MED17: variants seen among roughly 807,000 people sequenced by gnomAD.
The protein encoded by MED17 is mediator of RNA polymerase II transcription subunit 17.
MED17 carries 49 observed loss-of-function variants against 80.8 expected under a neutral mutation model. The observed-to-expected ratio is 0.61, with a 90% CI of 0.48 to 0.77. The LOEUF (loss-of-function observed/expected upper bound fraction) is 0.77. Ranked by LOEUF, MED17 falls within the 30% of genes least tolerant of loss-of-function variation. MED17 has a pLI of 0.00. For synonymous variants in MED17, 281 were observed against 280.4 expected, an observed-to-expected ratio of 1.00 and a Z score of -0.02; for missense variants, 718 against 787.0, an observed-to-expected ratio of 0.91 and a Z score of 1.05.
At chr11:93,796,325 A>G in intron 6 of MED17, 85 bp from the exon 7 acceptor site, 1 of 1,211,530 alleles carries the variant, frequency 8.3e-7, no homozygotes, top group Non-Finnish European at 1.2e-6. Context: ...TTTGAAAATG[A>G]ACTATGATTA....
chr11:93,788,333 T>A, intron 2 of MED17, 166 bp downstream of exon 2: 2 of 604,196 alleles, frequency 3.3e-6, no homozygotes, highest in South Asian at 2.0e-5. Context: ...GCATTTCCTT[T>A]ATTTTTTTAT....
intron 11 of MED17, chr11:93,810,889 T>G (rs1163684546): frequency 1.3e-5 from 2 of 152,248 alleles, no homozygotes; most frequent in Non-Finnish European, 2.9e-5. Flanking sequence ...AAATGTGTTG[T>G]TAAGAGGATT....
intron 7 of MED17, chr11:93,797,060 TAGG>T (rs1234941030): frequency 2.4e-5 from 5 of 206,418 alleles, no homozygotes; most frequent in African/African-American, 9.4e-5. Context: ...AAAAGCTCCT[TAGG>T]AGGTTCAGAT....
intron 6 of MED17, 80 bp from the exon 7 acceptor site, chr11:93,796,330 T>C: frequency 8.0e-7 from 1 of 1,252,008 alleles, no homozygotes; most frequent in Non-Finnish European, 1.2e-6. Flanking sequence ...AAATGAACTA[T>C]GATTATACTT....
chr11:93,800,277 T>G (rs1450518688), intron 8 of MED17, among the ~76,000 whole-genome samples: 1 of 152,146 alleles, frequency 6.6e-6, no homozygotes, highest in Non-Finnish European at 1.5e-5. Context: ...CCACTGGCTC[T>G]TCTCATTTCT....
chr11:93,812,527 C>T lies in MED17; in HGVS notation c.*463C>T, dbSNP rs1944094464. ...GATCATGGTTCACTGCAGTCTTGAC[C>T]TCCCAGGCTTAGGTGATCCTTCTGT... On this transcript the variant is annotated 3_prime_UTR_variant, in exon 12 of 12. Coordinates refer to ENST00000251871, the MANE Select transcript of MED17 (RefSeq NM_004268.5). 1 of 206,626 alleles carries T rather than the reference C, an allele frequency of 4.8e-6. No individual in the cohort carries two copies. The highest frequency in any genetic ancestry group is 9.6e-6 in the Non-Finnish European group (1 of 104,296). 12.8% of individuals were successfully genotyped at this position (206,626 alleles called of 1,614,324 possible).
At chr11:93,785,808 C>T (rs1943763214) in intron 1 of MED17, among the ~76,000 whole-genome samples, 1 of 152,144 alleles carries the variant, frequency 6.6e-6, no homozygotes, top group African/African-American at 2.4e-5. Context: ...GACTTCAAGA[C>T]CAGCCTGAGC....
At chr11:93,786,098 A>G (rs1433507107) in intron 1 of MED17, among the ~76,000 whole-genome samples, 1 of 152,246 alleles carries the variant, frequency 6.6e-6, no homozygotes, top group Non-Finnish European at 1.5e-5. Flanking sequence ...CCATAAGCAA[A>G]GTAAAAAGAT....
rs1286955243 is a variant in MED17 at position 93,814,149 on chromosome 11, C to G, written c.*2085C>G. On this transcript the variant is annotated 3_prime_UTR_variant, in exon 12 of 12. Transcript: ENST00000251871. Reference sequence around the variant, plus strand: ...ACATGTGCAGATACTACCGTCTGTTCTTTTAAACCCCATCTGAGTAGAGTG... The same window carrying G: ...ACATGTGCAGATACTACCGTCTGTTGTTTTAAACCCCATCTGAGTAGAGTG... The G allele has an allele frequency of 6.6e-6, 1 of 152,176 alleles. No homozygotes were observed. The highest frequency in any genetic ancestry group is 2.4e-5 in the African/African-American group (1 of 41,434). 9.4% of individuals were successfully genotyped at this position (152,176 alleles called of 1,614,324 possible).
intron 10 of MED17, chr11:93,808,574 C>T (rs1217132949): frequency 1.4e-5 from 2 of 142,510 alleles, no homozygotes; most frequent in African/African-American, 5.2e-5. Flanking sequence ...ATGCAAGATA[C>T]TATTTTTTTT....
chr11:93,799,833 A>G (rs1943943048), intron 8 of MED17, among the ~76,000 whole-genome samples: 1 of 151,944 alleles, frequency 6.6e-6, no homozygotes, highest in African/African-American at 2.4e-5. Flanking sequence ...ATCTCTTGAC[A>G]TGCTAATATA....
chr11:93,788,029 G>A lies in MED17; in HGVS notation c.279G>A (p.Trp93Ter). The A allele has an allele frequency of 6.2e-7, 1 of 1,613,390 alleles. No homozygotes were observed. The change falls in exon 2 of 12, where the codon TGG becomes TGA. Residue 93 changes from tryptophan to a stop codon, truncating the protein, a stop_gained. Coordinates refer to ENST00000251871, the MANE Select transcript of MED17 (RefSeq NM_004268.5). LOFTEE classifies it high-confidence loss of function. ...EGVVKFQPSL[W>*]PWDSVRNNLR... is the part of the protein sequence containing the mutation. Reference sequence around the variant, plus strand: ...TGGTAAAATTTCAGCCTTCCCTTTGGCCTTGGGACTCAGTGAGGAACAATT... The same window carrying A: ...TGGTAAAATTTCAGCCTTCCCTTTGACCTTGGGACTCAGTGAGGAACAATT...
chr11:93,792,763 C>T (rs1235631721), intron 3 of MED17, among the ~76,000 whole-genome samples: 1 of 151,888 alleles, frequency 6.6e-6, no homozygotes, highest in Non-Finnish European at 1.5e-5. Context: ...ACAACATAGA[C>T]CCTATCTCTA....
At chr11:93,811,775 A>C (rs1315220369) in intron 11 of MED17, 78 bp from the exon 12 acceptor site, 12 of 1,291,184 alleles carry the variant, frequency 9.3e-6, no homozygotes, top group Non-Finnish European at 1.0e-5. Context: ...TCACAGTAGA[A>C]TGGAGTTGTG....
At chr11:93,810,088 C>T (rs1944070445) in intron 11 of MED17, 1 of 554,382 alleles carries the variant, frequency 1.8e-6, no homozygotes, top group Non-Finnish European at 3.2e-6. Flanking sequence ...TTTAGATTGG[C>T]AGCACATTTT....
At chr11:93,794,506 T>A (rs906068827) in intron 5 of MED17, 10 of 255,960 alleles carry the variant, frequency 3.9e-5, no homozygotes, top group South Asian at 1.9e-4. Context: ...CACCTTTTTT[T>A]AAGATTGGAC....
chr11:93,790,487 T>C, intron 2 of MED17, 87 bp from the exon 3 acceptor site: 1 of 1,227,714 alleles, frequency 8.1e-7, no homozygotes, highest in East Asian at 2.3e-5. Context: ...TGCTTTTTGT[T>C]CACTTCATTT....
intron 5 of MED17, 165 bp downstream of exon 5, chr11:93,794,200 T>A: frequency 5.1e-5 from 5 of 97,450 alleles, no homozygotes; most frequent in Admixed American, 9.8e-5. Context: ...AGCTGTGCAA[T>A]TTTTTTTTTT....
intron 3 of MED17, among the ~76,000 whole-genome samples, chr11:93,791,930 A>C (rs1943840752): frequency 6.6e-6 from 1 of 152,184 alleles, no homozygotes; most frequent in South Asian, 2.1e-4. Context: ...TACAGCACTA[A>C]CTTAGGGAAT....
Sources: gnomAD v4.1 joint callset for allele counts (sites outside exome capture counted in the v4.1 genomes callset) on GRCh38, gnomAD v4.1.1 for gene constraint, MANE v1.5 for transcripts, NCBI Gene and HGNC (gene_info 2026-07-23, HGNC 2026-07-21) for gene names.